Variants in CREB3L1 observed in about 807,000 individuals in gnomAD.
CREB3L1 encodes cAMP responsive element binding protein 3 like 1, also known as cyclic AMP-responsive element-binding protein 3-like protein 1.
CREB3L1 carries 33 observed loss-of-function variants against 54.5 expected under a neutral mutation model. The ratio of observed to expected loss-of-function variants is 0.61; its 90% CI spans 0.46 to 0.81. The LOEUF (loss-of-function observed/expected upper bound fraction) is 0.81. Among genes scored for constraint, CREB3L1 ranks in the 30% least tolerant of loss-of-function variants. CREB3L1 has a pLI of 0.00. For synonymous variants in CREB3L1, 284 were observed against 286.4 expected, an observed-to-expected ratio of 0.99 and a Z score of 0.08; for missense variants, 656 against 673.3, an observed-to-expected ratio of 0.97 and a Z score of 0.29.
chr11:46,291,634 GAAGGGC>G (rs1939132266), intron 1 of CREB3L1, among the ~76,000 whole-genome samples: 1 of 152,184 alleles, frequency 6.6e-6, no homozygotes, highest in African/African-American at 2.4e-5. Context: ...GGCTCTTCAA[GAAGGGC>G]AAGGGCAAGC....
At position 46,320,719 on chromosome 11, in the gene CREB3L1, C is replaced by A; in HGVS notation, c.1533C>A (p.Gly511=). The A allele has an allele frequency of 3.7e-6, 6 of 1,612,142 alleles. No homozygotes were observed. The highest frequency in any genetic ancestry group is 4.2e-6 in the Non-Finnish European group (5 of 1,179,162). ...TCTCTTCTCTCTCCAGGGATCTGGG[C>A]CCCAACACCACCATCAAACTCTCCT... ...SKEWFHDRDL[G]PNTTIKLS is the part of the protein sequence containing the mutation. Residue 511 remains glycine, a synonymous_variant, in exon 12 of 12, where the codon GGC becomes GGA. Coordinates refer to ENST00000621158, the MANE Select transcript of CREB3L1 (RefSeq NM_052854.4).
rs1217242366 is a variant in CREB3L1, at chr11:46,307,903, C to A, written c.419C>A (p.Pro140His). 18 of 1,580,310 alleles carry A rather than the reference C, an allele frequency of 1.1e-5. No homozygotes were observed. Among genetic ancestry groups the A allele is most frequent in the Non-Finnish European group, 1.5e-5 (17 of 1,163,920 alleles). Residue 140 changes from proline to histidine, a missense_variant, in exon 3 of 12, where the codon CCT (proline) becomes CAT (histidine). Transcript: ENST00000621158. ...QEQSPELPVDPLAAPSAMAAA... is the reference protein window; with the variant it reads ...QEQSPELPVDHLAAPSAMAAA... Reference sequence around the variant, plus strand: ...CAGAGCCCGGAGCTGCCCGTGGACCCTCTGGCTGCCCCCTCGGCCATGGCT... The same window carrying A: ...CAGAGCCCGGAGCTGCCCGTGGACCATCTGGCTGCCCCCTCGGCCATGGCT...
At position 46,307,949 on chromosome 11, in the gene CREB3L1, C is replaced by T. The variant is rs1441402872; in HGVS notation, c.465C>T (p.Thr155=). The T allele has an allele frequency of 1.9e-6, 3 of 1,565,976 alleles. No homozygotes were observed. The African/African-American group carries it at 4.1e-5, about 21-fold the overall frequency. ...TGGCTGCCGCGGCCGCCATGGCCAC[C>T]ACCCCGCTGCTGGGCCTCAGCCCCT... ...SAMAAAAAMA[T]TPLLGLSPLS... Residue 155 remains threonine, a synonymous_variant, in exon 3 of 12, where the codon ACC becomes ACT. Coordinates refer to ENST00000621158, the MANE Select transcript of CREB3L1 (RefSeq NM_052854.4).
rs1044801835 is a variant in CREB3L1 at position 46,306,048 on chromosome 11, A to T, written c.332-1768A>T. Among the ~76,000 whole-genome samples, 4 of 150,842 alleles carry T rather than the reference A, an allele frequency of 2.7e-5. No individual in the cohort carries two copies. In the East Asian group the frequency reaches 7.9e-4, roughly 30 times the overall value. ...CACCGCGCCAGGCCATATTTTTTTA[A>T]TTGATTTAATTTTAGAGATAGGGTC... On this transcript the variant is annotated intron_variant, in intron 2 of 11. Transcript: ENST00000621158.
At chr11:46,287,129 G>A (rs1278880652) in intron 1 of CREB3L1, among the ~76,000 whole-genome samples, 1 of 152,196 alleles carries the variant, frequency 6.6e-6, no homozygotes, top group African/African-American at 2.4e-5. Context: ...ACCTGTGTGA[G>A]CTTGGGCAGG....
chr11:46,297,868 G>T (rs1483767058), intron 1 of CREB3L1, among the ~76,000 whole-genome samples: 1 of 152,138 alleles, frequency 6.6e-6, no homozygotes, highest in African/African-American at 2.4e-5. Flanking sequence ...TCATGATGAC[G>T]ATAACTAACA....
At chr11:46,320,196 G>A in intron 10 of CREB3L1, 68 bp from the exon 11 acceptor site, 1 of 1,494,740 alleles carries the variant, frequency 6.7e-7, no homozygotes, top group Non-Finnish European at 9.0e-7. Context: ...TTAACCACTA[G>A]GCCATGAATG....
chr11:46,308,936 G>A (rs1939443666), intron 3 of CREB3L1, among the ~76,000 whole-genome samples: 1 of 152,236 alleles, frequency 6.6e-6, no homozygotes, highest in South Asian at 2.1e-4. Flanking sequence ...AGCCAGGGAA[G>A]AGGAGACTTC....
intron 1 of CREB3L1, among the ~76,000 whole-genome samples, chr11:46,283,031 TA>T (rs34538983): frequency 6.1e-5 from 9 of 146,884 alleles, no homozygotes; most frequent in African/African-American, 7.5e-5. Context: ...CTACAAAAAA[TA>T]AAAAAAAAAT....
intron 1 of CREB3L1, among the ~76,000 whole-genome samples, 197 bp from the exon 2 acceptor site, chr11:46,299,738 A>G (rs1939265972): frequency 6.6e-6 from 1 of 152,166 alleles, no homozygotes. Flanking sequence ...CATGATGGAA[A>G]TGATGAGAGT....
chr11:46,308,638 GA>G (rs1459320611), intron 3 of CREB3L1, among the ~76,000 whole-genome samples: 3 of 152,224 alleles, frequency 2.0e-5, no homozygotes, highest in African/African-American at 7.2e-5. Flanking sequence ...AGGGGCTCAT[GA>G]ACCCCCTAAG....
At chr11:46,320,157 G>C in intron 10 of CREB3L1, 107 bp from the exon 11 acceptor site, 1 of 1,265,652 alleles carries the variant, frequency 7.9e-7, no homozygotes. Context: ...AAGTGTCAGA[G>C]CTGGGACTCA....
intron 10 of CREB3L1, 142 bp from the exon 11 acceptor site, chr11:46,320,122 G>A: frequency 1.1e-6 from 1 of 921,826 alleles, no homozygotes; most frequent in Non-Finnish European, 1.6e-6. Context: ...AAAGTGTGTG[G>A]CTTACCTGAG....
At position 46,307,958 on chromosome 11, in the gene CREB3L1, G is replaced by T; in HGVS notation, c.474G>T (p.Leu158=). The stretch of plus-strand genomic sequence containing the variant: ...CGGCCGCCATGGCCACCACCCCGCT[G>T]CTGGGCCTCAGCCCCTTGTCCAGGC... ...AAAAAMATTP[L]LGLSPLSRLP... The change falls in exon 3 of 12, where the codon CTG becomes CTT. Residue 158 remains leucine, a synonymous_variant. Transcript: ENST00000621158. The T allele has an allele frequency of 6.4e-7, 1 of 1,566,602 alleles. No individual in the cohort carries two copies. Among genetic ancestry groups the T allele is most frequent in the Non-Finnish European group, 8.6e-7 (1 of 1,157,866 alleles).
intron 1 of CREB3L1, among the ~76,000 whole-genome samples, chr11:46,294,134 C>T (rs184604926): frequency 6.8e-4 from 104 of 152,242 alleles, no homozygotes; most frequent in African/African-American, 9.4e-4. Flanking sequence ...CACATGCATG[C>T]GTGCACACAC....
intron 1 of CREB3L1, among the ~76,000 whole-genome samples, chr11:46,289,335 T>C (rs1291645604): frequency 6.6e-6 from 1 of 152,132 alleles, no homozygotes; most frequent in East Asian, 1.9e-4. Context: ...CCCAAGATGG[T>C]ACCACTGCAC....
Position 46,317,401 on chromosome 11 carries a change from T to G in CREB3L1, c.1172T>G (p.Val391Gly), listed in dbSNP as rs376774084. 6.2e-7 allele frequency: 1 copy of G among 1,613,868 alleles called. No individual in the cohort carries two copies. Among genetic ancestry groups the G allele is most frequent in the Admixed American group, 1.7e-5 (1 of 60,020 alleles). ...TTTGTTCTGGTGCTGGGCTCCCTCG[T>G]GCCCTGCCTTCCCGAGTTCTCCTCC... is the stretch of plus-strand genomic sequence containing the variant. ...LCFVLVLGSL[V>G]PCLPEFSSGS... Residue 391 changes from valine (V) to glycine (G), a missense_variant, in exon 10 of 12, where the codon GTG (valine) becomes GGG (glycine). Physicochemically the swap from Val to Gly is moderately radical, Grantham distance 109. This residue lies in a region of CREB3L1 where 240 missense variants were observed against 219.8 expected (regional missense o/e 1.09). Coordinates refer to ENST00000621158, the MANE Select transcript of CREB3L1 (RefSeq NM_052854.4).
At chr11:46,298,778 C>G (rs530222178) in intron 1 of CREB3L1, among the ~76,000 whole-genome samples, 1 of 152,100 alleles carries the variant, frequency 6.6e-6, no homozygotes, top group Middle Eastern at 3.2e-3. Flanking sequence ...TGTACAAGAA[C>G]CTACCATATG....
At chr11:46,304,527 G>A (rs906326634) in intron 2 of CREB3L1, among the ~76,000 whole-genome samples, 2 of 152,194 alleles carry the variant, frequency 1.3e-5, no homozygotes, top group East Asian at 1.9e-4. Flanking sequence ...TGTGCTCAGC[G>A]CAAGAAGTGT....
Sources: allele counts gnomAD v4.1 joint callset (sites outside exome capture counted in the v4.1 genomes callset), GRCh38; gene constraint gnomAD v4.1.1; regional missense constraint gnomAD v4.1.1; transcripts MANE v1.5; gene names NCBI Gene and HGNC (gene_info 2026-07-23, HGNC 2026-07-21).